AP4S1: variants seen among roughly 807,000 people sequenced by gnomAD.
The protein encoded by AP4S1 is adaptor related protein complex 4 subunit sigma 1.
In AP4S1, 23 loss-of-function variants were observed where a neutral mutation model predicts 19.8. That is an observed-to-expected ratio of 1.16 (90% CI 0.84 to 1.65). AP4S1 has a LOEUF of 1.65. AP4S1 is among the 40% of genes most tolerant of loss of function. The pLI, the probability that AP4S1 is intolerant of heterozygous loss-of-function variation, is 0.00. For missense variants in AP4S1, 166 were observed against 172.8 expected, an observed-to-expected ratio of 0.96 and a Z score of 0.22; for synonymous variants, 46 against 54.1, an observed-to-expected ratio of 0.85 and a Z score of 0.66.
chr14:31,040,015 T>G (rs943026334), intron 1 of AP4S1, among the ~76,000 whole-genome samples: 16 of 152,206 alleles, frequency 1.1e-4, no homozygotes, highest in Non-Finnish European at 2.1e-4. Flanking sequence ...AACAAATTAA[T>G]TGCTTATAAA....
chr14:31,071,394 C>A (rs916005255), intron 3 of AP4S1, among the ~76,000 whole-genome samples: 2 of 152,076 alleles, frequency 1.3e-5, no homozygotes, highest in African/African-American at 4.8e-5. Context: ...TTTAATCTGG[C>A]TAGATTCATC....
At chr14:31,054,867 C>CAAAAAA (rs1162029946) in intron 1 of AP4S1, among the ~76,000 whole-genome samples, 11 of 46,398 alleles carry the variant, frequency 2.4e-4, no homozygotes, top group Admixed American at 3.7e-4. Flanking sequence ...GACTCTGTCT[C>CAAAAAA]AAAAAAAAAA....
intron 1 of AP4S1, among the ~76,000 whole-genome samples, chr14:31,043,657 A>G (rs1164344494): frequency 6.6e-6 from 1 of 152,232 alleles, no homozygotes; most frequent in Non-Finnish European, 1.5e-5. Flanking sequence ...GAGAAAACTG[A>G]ATCATCGTAG....
intron 4 of AP4S1, among the ~76,000 whole-genome samples, chr14:31,073,390 T>TCAC (rs1887153131): frequency 7.6e-6 from 1 of 131,920 alleles, no homozygotes; most frequent in African/African-American, 2.7e-5. Flanking sequence ...CTCCGGAGGC[T>TCAC]GAGGCAGGAG....
Position 31,071,371 on chromosome 14 carries a change from T to C in AP4S1, c.225+1442T>C, listed in dbSNP as rs557427771. ...AAATAGATCTAAGAACTCTAAGTGC[T>C]AGACACTAAGATTTTAATCTGGCTA... On this transcript the variant is annotated intron_variant, in intron 3 of 5. Coordinates refer to ENST00000542754, the MANE Select transcript of AP4S1 (RefSeq NM_001128126.3). 7.2e-5 allele frequency among the ~76,000 whole-genome samples: 11 copies of C among 152,280 alleles called. No individual in the cohort carries two copies. In the East Asian group the frequency reaches 1.4e-3, roughly 19 times the overall value.
chr14:31,088,244 C>T lies in AP4S1; in HGVS notation c.307-4663C>T, dbSNP rs569891234. Among the ~76,000 whole-genome samples the T allele has an allele frequency of 4.3e-4, 66 of 152,312 alleles. 1 individual carries two copies. The highest frequency in any genetic ancestry group is 1.4e-3 in the African/African-American group (60 of 41,554). On this transcript the variant is annotated intron_variant, in intron 5 of 5. Transcript: ENST00000542754. The stretch of plus-strand genomic sequence containing the variant: ...GCCCGCTAGGTGCCATATTCATCCG[C>T]CAGCATTCCTCACCACCAGGTCCCT...
At chr14:31,080,900 G>A (rs577165829) in intron 5 of AP4S1, among the ~76,000 whole-genome samples, 1 of 152,186 alleles carries the variant, frequency 6.6e-6, no homozygotes, top group African/African-American at 2.4e-5. Flanking sequence ...TTGGGTTCAA[G>A]TATTCTCCTG....
chr14:31,029,228 C>T (rs1196816518), intron 1 of AP4S1, among the ~76,000 whole-genome samples: 1 of 152,164 alleles, frequency 6.6e-6, no homozygotes, highest in Non-Finnish European at 1.5e-5. Flanking sequence ...CTCCATTCTA[C>T]CCCCACTTTG....
rs117598064 is a variant in AP4S1, at chr14:31,028,879, C to A, written c.-72+3092C>A. Reference sequence around the variant, plus strand: ...CCTGGGTGAAAGAGAGAGTGAGATTCCATCCCAAAAACAACAACAACAACA... The same window carrying A: ...CCTGGGTGAAAGAGAGAGTGAGATTACATCCCAAAAACAACAACAACAACA... On this transcript the variant is annotated intron_variant, in intron 1 of 5. Transcript: ENST00000542754. Among the ~76,000 whole-genome samples the A allele has an allele frequency of 2.0e-3, 312 of 152,230 alleles. 5 individuals are homozygous for A. The East Asian group carries it at 0.032, about 15-fold the overall frequency.
chr14:31,073,883 C>G (rs912109937), intron 4 of AP4S1, among the ~76,000 whole-genome samples: 45 of 152,094 alleles, frequency 3.0e-4, no homozygotes, highest in Admixed American at 1.4e-3. Context: ...ATGCTTTTCA[C>G]TTTAAGAATC....
chr14:31,050,663 C>T (rs1351033996), intron 1 of AP4S1, among the ~76,000 whole-genome samples: 1 of 152,124 alleles, frequency 6.6e-6, no homozygotes, highest in East Asian at 1.9e-4. Flanking sequence ...TACACTTGCC[C>T]ATCTCCCCTA....
chr14:31,033,951 TGAAAA>T (rs1453464071), intron 1 of AP4S1, among the ~76,000 whole-genome samples: 1 of 152,104 alleles, frequency 6.6e-6, no homozygotes, highest in Non-Finnish European at 1.5e-5. Context: ...ATGTCAAAAT[TGAAAA>T]GAAAAAGAAA....
At chr14:31,092,813 A>C (rs1012649319) in intron 5 of AP4S1, 94 bp from the exon 6 acceptor site, 8 of 928,484 alleles carry the variant, frequency 8.6e-6, no homozygotes, top group Non-Finnish European at 1.2e-5. Flanking sequence ...TGCTTAGGCT[A>C]ATTTACACTG....
chr14:31,062,434 C>T (rs527322482), intron 1 of AP4S1, among the ~76,000 whole-genome samples: 49 of 152,194 alleles, frequency 3.2e-4, no homozygotes, highest in African/African-American at 1.1e-3. Context: ...TAGGAATCAC[C>T]CTCCTCAGGG....
At chr14:31,027,597 G>C (rs1884095879) in intron 1 of AP4S1, among the ~76,000 whole-genome samples, 1 of 152,196 alleles carries the variant, frequency 6.6e-6, no homozygotes, top group African/African-American at 2.4e-5. Context: ...AGGAGGCTGA[G>C]GTTGCAGAGA....
chr14:31,073,456 C>T (rs1366529603), intron 4 of AP4S1, among the ~76,000 whole-genome samples: 1 of 146,312 alleles, frequency 6.8e-6, no homozygotes, highest in Non-Finnish European at 1.5e-5. Flanking sequence ...CGCCACTGCA[C>T]TCCAGCCTGG....
chr14:31,046,870 A>G (rs983397417), intron 1 of AP4S1, among the ~76,000 whole-genome samples: 8 of 151,852 alleles, frequency 5.3e-5, no homozygotes, highest in African/African-American at 1.9e-4. Flanking sequence ...AAAAAGAAGA[A>G]GTAGAATTGC....
At chr14:31,078,621 G>T (rs1887486581) in intron 4 of AP4S1, among the ~76,000 whole-genome samples, 1 of 152,024 alleles carries the variant, frequency 6.6e-6, no homozygotes, top group South Asian at 2.1e-4. Context: ...GTGGGTACAA[G>T]TACTATCATT....
At chr14:31,053,236 C>T (rs114650158) in intron 1 of AP4S1, among the ~76,000 whole-genome samples, 208 of 152,244 alleles carry the variant, frequency 1.4e-3, no homozygotes, top group African/African-American at 4.6e-3. Context: ...CCACCGCGTC[C>T]GGCCTTGTGC....
Sources: gnomAD v4.1 joint callset for allele counts (sites outside exome capture counted in the v4.1 genomes callset) on GRCh38, gnomAD v4.1.1 for gene constraint, MANE v1.5 for transcripts, NCBI Gene and HGNC (gene_info 2026-07-23, HGNC 2026-07-21) for gene names.